The following NKAIN3 variants were observed in gnomAD, a reference collection of about 807,000 sequenced individuals.
NKAIN3 encodes the protein sodium/potassium-transporting ATPase subunit beta-1-interacting protein 3.
A neutral mutation model predicts 30.2 loss-of-function variants in NKAIN3; 25 were observed. That is an observed-to-expected ratio of 0.83 (90% CI 0.60 to 1.16). The LOEUF is 1.16. Among genes scored for constraint, NKAIN3 ranks in the 50% most tolerant of loss-of-function variants. The pLI, the probability that NKAIN3 is intolerant of heterozygous loss-of-function variation, is 0.00. For missense variants in NKAIN3, 225 were observed against 254.1 expected (o/e 0.89, Z 0.78); for synonymous variants, 91 against 89.6 (o/e 1.02, Z -0.09).
At chr8:62,696,974 A>C (rs1814176645) in intron 3 of NKAIN3, among the ~76,000 whole-genome samples, 1 of 152,210 alleles carries the variant, frequency 6.6e-6, no homozygotes, top group South Asian at 2.1e-4. Flanking sequence ...TCAAAAATAC[A>C]TATATAAATG....
At chr8:62,339,666 T>G (rs1815677618) in intron 1 of NKAIN3, among the ~76,000 whole-genome samples, 1 of 152,076 alleles carries the variant, frequency 6.6e-6, no homozygotes, top group African/African-American at 2.4e-5. Flanking sequence ...AACTTGTAGA[T>G]TCCTTTAAAT....
chr8:62,720,016 C>T (rs1219713064), intron 3 of NKAIN3, among the ~76,000 whole-genome samples: 1 of 151,990 alleles, frequency 6.6e-6, no homozygotes, highest in East Asian at 1.9e-4. Context: ...CTCCGCCTGC[C>T]AAAGTGCTGG....
intron 3 of NKAIN3, among the ~76,000 whole-genome samples, chr8:62,698,631 T>C (rs1049440264): frequency 6.6e-6 from 1 of 152,192 alleles, no homozygotes. Context: ...TACAACCAAG[T>C]GTAGGACCTC....
intron 3 of NKAIN3, among the ~76,000 whole-genome samples, chr8:62,630,081 A>C (rs1811908599): frequency 6.6e-6 from 1 of 151,978 alleles, no homozygotes; most frequent in Admixed American, 6.6e-5. Flanking sequence ...TAGTCATTCT[A>C]TTTTATTAGT....
intron 1 of NKAIN3, among the ~76,000 whole-genome samples, chr8:62,359,099 T>C (rs1395849695): frequency 6.6e-6 from 1 of 152,086 alleles, no homozygotes. Context: ...AGGAGAATAG[T>C]GTGAACCCGG....
chr8:62,851,013 G>A (rs1252886339), intron 4 of NKAIN3, among the ~76,000 whole-genome samples: 2 of 152,014 alleles, frequency 1.3e-5, no homozygotes, highest in Non-Finnish European at 2.9e-5. Flanking sequence ...GTAGCTTGAT[G>A]GGGATGGCAT....
intron 1 of NKAIN3, among the ~76,000 whole-genome samples, chr8:62,338,636 C>T (rs1815642902): frequency 6.6e-6 from 1 of 151,796 alleles, no homozygotes; most frequent in Non-Finnish European, 1.5e-5. Flanking sequence ...TATTAACTCA[C>T]GTGATCACAA....
chr8:62,432,836 C>T (rs1805057395), intron 1 of NKAIN3, among the ~76,000 whole-genome samples: 1 of 152,110 alleles, frequency 6.6e-6, no homozygotes, highest in Non-Finnish European at 1.5e-5. Context: ...GCATTTCACA[C>T]TACCTTATTC....
intron 5 of NKAIN3, among the ~76,000 whole-genome samples, chr8:62,938,452 A>G (rs559193333): frequency 6.6e-6 from 1 of 152,226 alleles, no homozygotes; most frequent in Admixed American, 6.5e-5. Context: ...CAAGAAAAGC[A>G]GTGCACTAAA....
At chr8:62,426,056 A>G (rs1804796038) in intron 1 of NKAIN3, among the ~76,000 whole-genome samples, 1 of 151,944 alleles carries the variant, frequency 6.6e-6, no homozygotes, top group South Asian at 2.1e-4. Context: ...CACTCTTCAA[A>G]AATTTATTTA....
intron 1 of NKAIN3, among the ~76,000 whole-genome samples, chr8:62,457,437 T>C (rs1420715798): frequency 1.3e-5 from 2 of 152,184 alleles, no homozygotes; most frequent in Non-Finnish European, 1.5e-5. Context: ...ATTGCAGTGA[T>C]GGGTGATAGA....
intron 4 of NKAIN3, among the ~76,000 whole-genome samples, chr8:62,750,628 A>G (rs920621219): frequency 6.6e-6 from 1 of 152,098 alleles, no homozygotes; most frequent in Admixed American, 6.5e-5. Flanking sequence ...CCCGGCTCTC[A>G]GGCTGAGAAC....
At chr8:62,460,189 A>T (rs184266502) in intron 1 of NKAIN3, among the ~76,000 whole-genome samples, 13 of 151,998 alleles carry the variant, frequency 8.6e-5, no homozygotes, top group Non-Finnish European at 1.6e-4. Context: ...GAGGCAGTGG[A>T]TCATCTGAGG....
intron 1 of NKAIN3, among the ~76,000 whole-genome samples, chr8:62,486,427 G>A (rs925479113): frequency 3.3e-5 from 5 of 152,030 alleles, no homozygotes; most frequent in Non-Finnish European, 5.9e-5. Context: ...AAATGTCTTT[G>A]TGTAACTTTT....
rs139095932 is a variant in NKAIN3 at position 62,322,517 on chromosome 8, A to G, written c.54+73390A>G. Reference sequence around the variant, plus strand: ...GATTTGGGATGTTAAACTGGTAAGTATATAATGCAGTATTCCAAAATAAAA... The same window carrying G: ...GATTTGGGATGTTAAACTGGTAAGTGTATAATGCAGTATTCCAAAATAAAA... On this transcript the variant is annotated intron_variant, in intron 1 of 6. Coordinates refer to ENST00000623646, the MANE Select transcript of NKAIN3 (RefSeq NM_001304533.3). 2.6e-3 allele frequency among the ~76,000 whole-genome samples: 397 copies of G among 152,322 alleles called. 3 individuals carry two copies. The highest frequency in any genetic ancestry group is 8.6e-3 in the African/African-American group (358 of 41,568).
At chr8:62,308,913 A>G (rs1223470413) in intron 1 of NKAIN3, among the ~76,000 whole-genome samples, 1 of 150,588 alleles carries the variant, frequency 6.6e-6, no homozygotes, top group Non-Finnish European at 1.5e-5. Context: ...ATAATAAAAT[A>G]TATATTCTTT....
At chr8:62,485,807 G>T (rs756007018) in intron 1 of NKAIN3, among the ~76,000 whole-genome samples, 11 of 152,320 alleles carry the variant, frequency 7.2e-5, no homozygotes, top group Middle Eastern at 3.4e-3. Flanking sequence ...TTTTCTGGAG[G>T]TCAACTTGAG....
At chr8:62,870,241 T>G (rs1820567375) in intron 4 of NKAIN3, among the ~76,000 whole-genome samples, 1 of 109,600 alleles carries the variant, frequency 9.1e-6, no homozygotes, top group Non-Finnish European at 1.8e-5. Flanking sequence ...TATAGATATC[T>G]ATAGATATCT....
intron 3 of NKAIN3, among the ~76,000 whole-genome samples, chr8:62,730,124 T>C (rs1815421527): frequency 6.6e-6 from 1 of 152,202 alleles, no homozygotes; most frequent in Non-Finnish European, 1.5e-5. Flanking sequence ...ATCTTTTCTA[T>C]TATATTTTTT....
Sources: gnomAD v4.1 joint callset for allele counts (sites outside exome capture counted in the v4.1 genomes callset) on GRCh38, gnomAD v4.1.1 for gene constraint, MANE v1.5 for transcripts, NCBI Gene and HGNC (gene_info 2026-07-23, HGNC 2026-07-21) for gene names.